NRG1: variants seen among roughly 807,000 people sequenced by gnomAD.
NRG1 encodes the protein pro-neuregulin-1, membrane-bound isoform.
In NRG1, 18 loss-of-function variants were observed where a neutral mutation model predicts 63.8. That is an observed-to-expected ratio of 0.28 (90% CI 0.19 to 0.42). The LOEUF is 0.42. Among genes scored for constraint, NRG1 ranks in the 10% least tolerant of loss-of-function variants. The probability of loss-of-function intolerance (pLI) is 1.00; values close to 1 mark genes in which losing one functional copy is unlikely to be tolerated. For missense variants in NRG1, 762 were observed against 814.7 expected (o/e 0.94, Z 0.79); for synonymous variants, 302 against 301.3 (o/e 1.00, Z -0.02).
At chr8:31,671,337 C>T (rs1352745314) in intron 1 of NRG1, among the ~76,000 whole-genome samples, 1 of 152,038 alleles carries the variant, frequency 6.6e-6, no homozygotes, top group Non-Finnish European at 1.5e-5. Flanking sequence ...AGATCAAAAC[C>T]TTTTTATTTA....
intron 1 of NRG1, among the ~76,000 whole-genome samples, chr8:31,887,549 G>T (rs1830816823): frequency 6.6e-6 from 1 of 152,024 alleles, no homozygotes; most frequent in South Asian, 2.1e-4. Flanking sequence ...ACTCTCGTAG[G>T]TGCTAGTAAG....
chr8:31,839,773 C>T lies in NRG1; in HGVS notation c.37+200342C>T, dbSNP rs371620847. 7.9e-5 allele frequency among the ~76,000 whole-genome samples: 12 copies of T among 152,268 alleles called. No individual in the cohort carries two copies. In the East Asian group the frequency reaches 1.5e-3, roughly 20 times the overall value. On this transcript the variant is annotated intron_variant, in intron 1 of 10. Coordinates refer to the NRG1 transcript ENST00000519301. Reference sequence around the variant, plus strand: ...ATAGAAGTACTTGGTGAAACACTTTCAGCGTCTTAGCTCTGCCTCTGGCTA... The same window carrying T: ...ATAGAAGTACTTGGTGAAACACTTTTAGCGTCTTAGCTCTGCCTCTGGCTA...
At chr8:32,329,951 G>T (rs1035553394) in intron 1 of NRG1, among the ~76,000 whole-genome samples, 1 of 144,974 alleles carries the variant, frequency 6.9e-6, no homozygotes, top group African/African-American at 2.6e-5. Flanking sequence ...ACAGCTCATT[G>T]CAGCCTGGAA....
At chr8:32,051,808 A>C (rs372814733) in intron 1 of NRG1, among the ~76,000 whole-genome samples, 47 of 152,306 alleles carry the variant, frequency 3.1e-4, no homozygotes, top group African/African-American at 1.0e-3. Flanking sequence ...AGACCAGCAC[A>C]CATGAGCTGG....
At chr8:32,642,069 G>A (rs1852507897) in intron 5 of NRG1, among the ~76,000 whole-genome samples, 1 of 152,122 alleles carries the variant, frequency 6.6e-6, no homozygotes, top group Non-Finnish European at 1.5e-5. Flanking sequence ...ATTAATTCAA[G>A]GCATACTTTG....
At chr8:32,647,671 G>T (rs1327817702) in intron 5 of NRG1, 2 of 1,505,752 alleles carry the variant, frequency 1.3e-6, no homozygotes, top group South Asian at 2.7e-5. Context: ...GCCTCTGCGT[G>T]GTAATGGACC....
At chr8:32,478,312 C>T (rs577544651) in intron 1 of NRG1, among the ~76,000 whole-genome samples, 4 of 152,274 alleles carry the variant, frequency 2.6e-5, no homozygotes, top group South Asian at 4.1e-4. Context: ...GATTCTCAGC[C>T]GGAGCGGTCT....
At chr8:32,425,656 A>G (rs1211749255) in intron 1 of NRG1, among the ~76,000 whole-genome samples, 2 of 152,216 alleles carry the variant, frequency 1.3e-5, no homozygotes, top group African/African-American at 4.8e-5. Context: ...AGCTGAAAAC[A>G]TATGTACATC....
At chr8:32,412,206 T>G (rs1815063321) in intron 1 of NRG1, among the ~76,000 whole-genome samples, 1 of 151,924 alleles carries the variant, frequency 6.6e-6, no homozygotes, top group South Asian at 2.1e-4. Flanking sequence ...TCAGCTCTTC[T>G]TGAGTCTTGA....
chr8:32,599,501 C>G (rs888474837), intron 2 of NRG1, among the ~76,000 whole-genome samples: 1 of 152,130 alleles, frequency 6.6e-6, no homozygotes, highest in Non-Finnish European at 1.5e-5. Context: ...GTTTTGCCCA[C>G]GGTCCTACTA....
At position 31,972,053 on chromosome 8, in the gene NRG1, TCAGA is replaced by T. The variant is rs573612299; in HGVS notation, c.37+332625_37+332628del. Among the ~76,000 whole-genome samples, 9 of 152,176 alleles carry T rather than the reference TCAGA, an allele frequency of 5.9e-5. No individual in the cohort carries two copies. In the South Asian group the frequency reaches 1.2e-3, roughly 21 times the overall value. ...CTTTCTCGCACGCATACACACATGC[TCAGA>T]CAATGAGGGTGGCTATCTGGCAGCT... On this transcript the variant is annotated intron_variant, in intron 1 of 10. Transcript: ENST00000519301.
intron 7 of NRG1, among the ~76,000 whole-genome samples, chr8:32,744,246 C>T (rs1042048771): frequency 3.9e-5 from 6 of 151,908 alleles, no homozygotes; most frequent in African/African-American, 1.5e-4. Context: ...AGATTAGACC[C>T]GTAATGTGCA....
chr8:32,198,397 C>A (rs373868492), intron 1 of NRG1, among the ~76,000 whole-genome samples: 39 of 152,150 alleles, frequency 2.6e-4, no homozygotes, highest in African/African-American at 8.2e-4. Context: ...AGGCTGGTCT[C>A]GAACTCCTGA....
At chr8:31,639,624 T>C in intron 1 of NRG1, 1 of 1,406,836 alleles carries the variant, frequency 7.1e-7, no homozygotes, top group Non-Finnish European at 9.3e-7. Context: ...CACCTCCACG[T>C]CCTCCTCCGG....
rs190637812 is a variant in NRG1 at position 31,680,100 on chromosome 8, A to G, written c.37+40669A>G. Among the ~76,000 whole-genome samples the G allele has an allele frequency of 1.6e-4, 24 of 152,258 alleles. No individual in the cohort carries two copies. In the East Asian group the frequency reaches 4.6e-3, roughly 29 times the overall value. Reference sequence around the variant, plus strand: ...GTTCTGAGTAGAAAAATACCAATCTACAAAAGATATGATTCTCCTAAAATT... The same window carrying G: ...GTTCTGAGTAGAAAAATACCAATCTGCAAAAGATATGATTCTCCTAAAATT... On this transcript the variant is annotated intron_variant, in intron 1 of 10. Coordinates refer to the NRG1 transcript ENST00000519301.
At chr8:32,250,803 C>A (rs1161580524) in intron 1 of NRG1, among the ~76,000 whole-genome samples, 1 of 151,744 alleles carries the variant, frequency 6.6e-6, no homozygotes, top group African/African-American at 2.4e-5. Flanking sequence ...GTTTCCAATG[C>A]CATGTTTCGG....
chr8:32,128,849 A>T (rs1195592502), intron 1 of NRG1, among the ~76,000 whole-genome samples: 1 of 151,974 alleles, frequency 6.6e-6, no homozygotes, highest in East Asian at 1.9e-4. Context: ...TTCTTCTGAT[A>T]GGATAAAAGT....
intron 1 of NRG1, among the ~76,000 whole-genome samples, chr8:31,771,153 T>G (rs1447504312): frequency 3.3e-5 from 5 of 152,198 alleles, no homozygotes; most frequent in Admixed American, 1.3e-4. Context: ...TTTGTAATCT[T>G]GTCCTTTCCC....
intron 1 of NRG1, among the ~76,000 whole-genome samples, chr8:31,879,834 T>C (rs1166220864): frequency 6.6e-6 from 1 of 152,220 alleles, no homozygotes; most frequent in Non-Finnish European, 1.5e-5. Context: ...TCTGCATTAG[T>C]TTGCTAAGGA....
Sources: gnomAD v4.1 joint callset for allele counts (sites outside exome capture counted in the v4.1 genomes callset) on GRCh38, gnomAD v4.1.1 for gene constraint, MANE v1.5 for transcripts, NCBI Gene and HGNC (gene_info 2026-07-23, HGNC 2026-07-21) for gene names.